The following COL6A3 variants were observed in gnomAD, a reference collection of about 807,000 sequenced individuals.
COL6A3 encodes the protein collagen type VI alpha 3 chain.
A neutral mutation model predicts 274.1 loss-of-function variants in COL6A3; 137 were observed. The ratio of observed to expected loss-of-function variants is 0.50; its 90% CI spans 0.44 to 0.58. The LOEUF is 0.58. Ranked by LOEUF, COL6A3 falls within the 20% of genes least tolerant of loss-of-function variation. The pLI is 0.00. For synonymous variants in COL6A3, 1,650 were observed against 1,650.6 expected, an observed-to-expected ratio of 1.00 and a Z score of 0.01; for missense variants, 3,950 against 4,124.9, an observed-to-expected ratio of 0.96 and a Z score of 1.16.
At chr2:237,405,016 C>A (rs746159459) in intron 1 of COL6A3, among the ~76,000 whole-genome samples, 8 of 152,018 alleles carry the variant, frequency 5.3e-5, no homozygotes, top group Non-Finnish European at 8.8e-5. Flanking sequence ...ACACTGTGCA[C>A]AGGAATTATT....
Position 237,346,579 on chromosome 2 carries a change from A to G in COL6A3, c.7030-14T>C, listed in dbSNP as rs759502121. 5 of 1,611,682 alleles carry G rather than the reference A, an allele frequency of 3.1e-6. No individual in the cohort carries two copies. The highest frequency in any genetic ancestry group is 1.3e-5 in the African/African-American group (1 of 74,900). The stretch of plus-strand genomic sequence containing the variant: ...TCCCGAATTTCCCTAGAGGGAGCAG[A>G]ACAAACATTGTTCAACTGTGTCAGA... On this transcript the variant is annotated splice_polypyrimidine_tract_variant and intron_variant, in intron 31 of 43. Coordinates refer to ENST00000295550, the MANE Select transcript of COL6A3 (RefSeq NM_004369.4).
Position 237,361,014 on chromosome 2 carries a change from G to A in COL6A3, c.6210+107C>T. On this transcript the variant is annotated intron_variant, in intron 16 of 43. Transcript: ENST00000295550. This position sits in a 1 kb window ranked among gnomAD's most constrained non-coding sequence, Gnocchi z 5.1. The stretch of plus-strand genomic sequence containing the variant: ...GTATAAATTAATTTTTCTCCCAAAG[G>A]GAAAGCCATCAGCAACTGAACAAAT... The A allele has an allele frequency of 1.1e-6, 1 of 947,754 alleles. No homozygotes were observed. The highest frequency in any genetic ancestry group is 1.7e-6 in the Non-Finnish European group (1 of 577,010). 58.7% of individuals were successfully genotyped at this position (947,754 alleles called of 1,614,324 possible). A position where few individuals can be genotyped will look rare whatever the true frequency, so the allele number is the denominator to read the frequency against.
At position 237,374,057 on chromosome 2, in the gene COL6A3, T is replaced by G. The variant is rs60654577; in HGVS notation, c.3679+355A>C. 0.36 allele frequency among the ~76,000 whole-genome samples: 54,778 copies of G among 151,962 alleles called. 11,359 individuals are homozygous for G. The highest frequency in any genetic ancestry group is 0.58 in the African/African-American group (23,880 of 41,444). On this transcript the variant is annotated intron_variant, in intron 8 of 43. Coordinates refer to ENST00000295550, the MANE Select transcript of COL6A3 (RefSeq NM_004369.4). This position sits in a 1 kb window ranked among gnomAD's most constrained non-coding sequence, Gnocchi z 4.8. ...GGCTGCTGACCAAACCTACCAGGGG[T>G]CGCAGGACTGATACGCAACAGGCGT...
chr2:237,360,230 A>C (rs563925867), intron 16 of COL6A3, 71 bp from the exon 17 acceptor site: 1 of 1,440,076 alleles, frequency 6.9e-7, no homozygotes, highest in African/African-American at 1.4e-5. Context: ...GGCTTGCAGC[A>C]GCGTAAAGGG....
At chr2:237,337,754 G>T (rs918828835) in intron 39 of COL6A3, among the ~76,000 whole-genome samples, 1 of 152,194 alleles carries the variant, frequency 6.6e-6, no homozygotes, top group Admixed American at 6.5e-5. Flanking sequence ...CTAGCCCTCT[G>T]TTACATGCCC....
intron 9 of COL6A3, among the ~76,000 whole-genome samples, chr2:237,369,800 G>A (rs930377120): frequency 7.3e-5 from 11 of 151,572 alleles, no homozygotes; most frequent in African/African-American, 2.7e-4. Flanking sequence ...TTTATATGAA[G>A]TTTTTATTTT....
At position 237,342,091 on chromosome 2, in the gene COL6A3, T is replaced by C; in HGVS notation, c.7739A>G (p.Asn2580Ser). 6.2e-7 allele frequency: 1 copy of C among 1,614,216 alleles called. No individual in the cohort carries two copies. The highest frequency in any genetic ancestry group is 8.5e-7 in the Non-Finnish European group (1 of 1,180,030). Residue 2580 changes from asparagine (N) to serine (S), a missense_variant, in exon 37 of 44, where the codon AAT becomes AGT. Asn to Ser is a conservative substitution (Grantham distance 46). This residue lies in a region of COL6A3 where 1,284 missense variants were observed against 1,349.7 expected (regional missense o/e 0.95). Transcript: ENST00000295550. ...AGRDLTDFLENVLTCHVCLDI... is the reference protein window; with the variant it reads ...AGRDLTDFLESVLTCHVCLDI... ...CAAGCAAACATGACACGTGAGGACA[T>C]TCTCCAGGAAGTCTGTGAGGTCTCT...
rs540133546 is a variant in COL6A3, at chr2:237,331,698, A to G, written c.9328+1752T>C. ...CATTAAGTTTAAGAGATCAGAGATC[A>G]ATTATGCAGGGCCTTGTTCTTTTTT... On this transcript the variant is annotated intron_variant, in intron 42 of 43. Coordinates refer to ENST00000295550, the MANE Select transcript of COL6A3 (RefSeq NM_004369.4). Among the ~76,000 whole-genome samples, 4 of 148,996 alleles carry G rather than the reference A, an allele frequency of 2.7e-5. No homozygotes were observed. In the East Asian group the frequency reaches 8.1e-4, roughly 30 times the overall value.
At chr2:237,377,802 C>A (rs1381207914) in intron 6 of COL6A3, among the ~76,000 whole-genome samples, 1 of 152,066 alleles carries the variant, frequency 6.6e-6, no homozygotes, top group East Asian at 1.9e-4. Flanking sequence ...ACTGGGTTGC[C>A]ATGAATCTGC....
At chr2:237,396,166 C>T (rs1028947475) in intron 2 of COL6A3, among the ~76,000 whole-genome samples, 1 of 152,218 alleles carries the variant, frequency 6.6e-6, no homozygotes, top group Non-Finnish European at 1.5e-5. Flanking sequence ...ATGCATGAAG[C>T]ATTTCCCACT....
chr2:237,334,009 C>A (rs1322777430), intron 41 of COL6A3, among the ~76,000 whole-genome samples: 1 of 152,048 alleles, frequency 6.6e-6, no homozygotes, highest in African/African-American at 2.4e-5. Context: ...AGGGGGGAAC[C>A]CAGAAGAATT....
chr2:237,385,389 C>A (rs1385051951), intron 4 of COL6A3, among the ~76,000 whole-genome samples: 1 of 152,194 alleles, frequency 6.6e-6, no homozygotes, highest in African/African-American at 2.4e-5. Flanking sequence ...TAGGGAAAAT[C>A]TGAAACAAGG....
intron 21 of COL6A3, among the ~76,000 whole-genome samples, chr2:237,358,180 C>A (rs995153126): frequency 3.3e-5 from 5 of 152,216 alleles, no homozygotes; most frequent in Admixed American, 6.5e-5. Flanking sequence ...GAAGAAGAGG[C>A]TAGCTTGTAC....
At chr2:237,388,931 A>G (rs1016335589) in intron 3 of COL6A3, among the ~76,000 whole-genome samples, 2 of 152,184 alleles carry the variant, frequency 1.3e-5, no homozygotes, top group Non-Finnish European at 2.9e-5. Flanking sequence ...TTGTTCATTT[A>G]TTTTGTCATT....
intron 2 of COL6A3, 104 bp downstream of exon 2, chr2:237,396,623 C>T (rs2078447494): frequency 9.3e-6 from 11 of 1,186,314 alleles, no homozygotes; most frequent in African/African-American, 1.5e-5. Context: ...GGCTTAGCTA[C>T]CTTAAGAACA....
In COL6A3 at chr2:237,347,228, T is replaced by C. The variant is rs141920066; in HGVS notation, c.7029+579A>G. Among the ~76,000 whole-genome samples, 1,179 of 151,782 alleles carry C rather than the reference T, an allele frequency of 7.8e-3. 14 individuals carry two copies. Among genetic ancestry groups the C allele is most frequent in the African/African-American group, 0.026 (1,067 of 41,172 alleles). ...AGATGGAGGTTGCAGTGAGCCAAGA[T>C]GGCACCACTGCACTCCGCCCAGATG... On this transcript the variant is annotated intron_variant, in intron 31 of 43. Coordinates refer to ENST00000295550, the MANE Select transcript of COL6A3 (RefSeq NM_004369.4).
Position 237,344,686 on chromosome 2 carries a change from C to G in COL6A3, c.7332G>C (p.Arg2444=), listed in dbSNP as rs761741342. ...CGTTGTTGTAGGTGACCACAGCCAC[C>G]CGGGCCCCCCGTGGGCAGTTGCTCT... ...IAESNCPRGA[R]VAVVTYNNEV... The change falls in exon 36 of 44, where the codon CGG becomes CGC. Residue 2444 remains arginine (R), a synonymous_variant. Coordinates refer to ENST00000295550, the MANE Select transcript of COL6A3 (RefSeq NM_004369.4). The surrounding 1 kb of genome is among the most constrained non-coding windows in gnomAD (Gnocchi z 4.8). 1 of 1,610,330 alleles carries G rather than the reference C, an allele frequency of 6.2e-7. No individual in the cohort carries two copies. The highest frequency in any genetic ancestry group is 1.3e-5 in the African/African-American group (1 of 74,728).
chr2:237,334,290 C>T (rs1407238068), intron 41 of COL6A3, among the ~76,000 whole-genome samples: 2 of 152,164 alleles, frequency 1.3e-5, no homozygotes, highest in African/African-American at 2.4e-5. Context: ...TGGTGGGCAA[C>T]CAGGAGCCCT....
Position 237,341,920 on chromosome 2 carries a change from G to C in COL6A3, c.7765+145C>G, listed in dbSNP as rs2076996783. The C allele has an allele frequency of 3.5e-5, 25 of 721,460 alleles. No homozygotes were observed. The South Asian group carries it at 3.9e-4, about 11-fold the overall frequency. 44.7% of individuals were successfully genotyped at this position (721,460 alleles called of 1,614,324 possible). A position where few individuals can be genotyped will look rare whatever the true frequency, so the allele number is the denominator to read the frequency against. On this transcript the variant is annotated intron_variant, in intron 37 of 43. Transcript: ENST00000295550. ...TTTTAATATAGAAACTGCTGCAGTA[G>C]TATTTACTCTGGTAAATACGAGGCT... is the stretch of plus-strand genomic sequence containing the variant.
Sources: allele counts gnomAD v4.1 joint callset (sites outside exome capture counted in the v4.1 genomes callset), GRCh38; gene constraint gnomAD v4.1.1; regional missense constraint gnomAD v4.1.1; non-coding constraint Gnocchi (gnomAD v3.1); transcripts MANE v1.5; gene names NCBI Gene and HGNC (gene_info 2026-07-23, HGNC 2026-07-21).